NCKAP5: variants seen among roughly 807,000 people sequenced by gnomAD.
NCKAP5 encodes the protein nck-associated protein 5.
In NCKAP5, 92 loss-of-function variants were observed where a neutral mutation model predicts 167.0. That is an observed-to-expected ratio of 0.55 (90% CI 0.47 to 0.66). NCKAP5 has a LOEUF of 0.66. Ranked by LOEUF, NCKAP5 falls within the 30% of genes least tolerant of loss-of-function variation. NCKAP5 has a pLI of 0.00. For missense variants in NCKAP5, 2,378 were observed against 2,315.0 expected (o/e 1.03, Z -0.56); for synonymous variants, 891 against 877.4 (o/e 1.02, Z -0.27).
intron 11 of NCKAP5, among the ~76,000 whole-genome samples, chr2:132,833,225 T>C (rs1687644170): frequency 6.6e-6 from 1 of 152,170 alleles, no homozygotes; most frequent in Non-Finnish European, 1.5e-5. Context: ...ATTATTTCAT[T>C]GTTGTTGCTG....
chr2:132,860,659 T>A, intron 10 of NCKAP5, 48 bp from the exon 11 acceptor site: 1 of 1,539,198 alleles, frequency 6.5e-7, no homozygotes, highest in Non-Finnish European at 8.8e-7. Flanking sequence ...CTGAAAGATG[T>A]CTTTGCATAT....
intron 6 of NCKAP5, among the ~76,000 whole-genome samples, chr2:133,044,757 C>T (rs1028509352): frequency 3.9e-5 from 6 of 152,134 alleles, no homozygotes; most frequent in African/African-American, 1.4e-4. Context: ...TACACATGCG[C>T]TTAAGGAGAC....
At chr2:132,682,418 T>C (rs1284717729) in intron 19 of NCKAP5, among the ~76,000 whole-genome samples, 1 of 152,198 alleles carries the variant, frequency 6.6e-6, no homozygotes, top group Non-Finnish European at 1.5e-5. Flanking sequence ...CTTTGTTTAT[T>C]CTTTAGGTAT....
At chr2:133,090,930 T>C (rs925639198) in intron 6 of NCKAP5, among the ~76,000 whole-genome samples, 3 of 152,142 alleles carry the variant, frequency 2.0e-5, no homozygotes, top group Non-Finnish European at 2.9e-5. Context: ...CACATTCAAT[T>C]GTAATCCGCA....
chr2:133,434,518 T>A (rs1012820573), intron 3 of NCKAP5, among the ~76,000 whole-genome samples: 1 of 152,208 alleles, frequency 6.6e-6, no homozygotes, highest in Non-Finnish European at 1.5e-5. Flanking sequence ...AAACTCTATA[T>A]TCCTCAGTTT....
intron 10 of NCKAP5, among the ~76,000 whole-genome samples, chr2:132,865,082 T>C (rs1475394195): frequency 1.3e-5 from 2 of 152,190 alleles, no homozygotes; most frequent in Non-Finnish European, 2.9e-5. Context: ...CTTGGTGGCT[T>C]TCACTGATAC....
chr2:132,745,177 T>A (rs1247712532), intron 16 of NCKAP5, among the ~76,000 whole-genome samples: 1 of 151,806 alleles, frequency 6.6e-6, no homozygotes, highest in Non-Finnish European at 1.5e-5. Context: ...GAGATCAATA[T>A]AACTCATGAA....
chr2:132,784,738 A>G lies in NCKAP5; in HGVS notation c.2073T>C (p.Val691=). Residue 691 remains valine (V), a synonymous_variant, in exon 14 of 20, where the codon GTT becomes GTC. Coordinates refer to ENST00000409261, the MANE Select transcript of NCKAP5 (RefSeq NM_207363.3). The stretch of plus-strand genomic sequence containing the variant: ...AATTGATGGAAATCTCATTTCTGGT[A>G]ACAGTGACAACCCCAGTCTGGTGAG... The part of the protein sequence containing the change: ...FSSHQTGVVT[V]TRNEISINST... The G allele has an allele frequency of 6.2e-7, 1 of 1,613,952 alleles. No homozygotes were observed. The highest frequency in any genetic ancestry group is 1.1e-5 in the South Asian group (1 of 91,080).
At chr2:133,464,214 A>C (rs1171680928) in intron 3 of NCKAP5, among the ~76,000 whole-genome samples, 3 of 152,204 alleles carry the variant, frequency 2.0e-5, no homozygotes, top group African/African-American at 7.2e-5. Context: ...ACAGTATTCT[A>C]AGATAATCTG....
intron 3 of NCKAP5, among the ~76,000 whole-genome samples, chr2:133,412,300 C>T (rs549606557): frequency 1.5e-3 from 234 of 152,308 alleles, no homozygotes; most frequent in Middle Eastern, 3.4e-3. Context: ...CTTACCAGAA[C>T]CTGACCGTGC....
chr2:133,470,882 C>T (rs568826541), intron 3 of NCKAP5, among the ~76,000 whole-genome samples: 59 of 152,356 alleles, frequency 3.9e-4, no homozygotes, highest in Admixed American at 1.6e-3. Flanking sequence ...GCGCATGGTG[C>T]GCGCACCCAC....
At chr2:133,272,514 C>A (rs2089557959) in intron 4 of NCKAP5, among the ~76,000 whole-genome samples, 2 of 152,102 alleles carry the variant, frequency 1.3e-5, no homozygotes, top group South Asian at 4.2e-4. Flanking sequence ...TCCACGGAAT[C>A]TTGAACAATC....
intron 5 of NCKAP5, among the ~76,000 whole-genome samples, chr2:133,207,262 T>C (rs1298293335): frequency 6.6e-6 from 1 of 152,162 alleles, no homozygotes; most frequent in African/African-American, 2.4e-5. Context: ...CTTTGTACTC[T>C]TTCTCTTTAT....
At chr2:133,220,378 T>C (rs2086609556) in intron 4 of NCKAP5, among the ~76,000 whole-genome samples, 1 of 152,170 alleles carries the variant, frequency 6.6e-6, no homozygotes, top group Admixed American at 6.5e-5. Context: ...TACTTACTTC[T>C]CTTACAGTTA....
chr2:133,403,812 C>T (rs573887784), intron 3 of NCKAP5, among the ~76,000 whole-genome samples: 1 of 152,264 alleles, frequency 6.6e-6, no homozygotes, highest in Non-Finnish European at 1.5e-5. Flanking sequence ...TTAAGTCTAT[C>T]CTTATGCCAT....
At chr2:133,430,890 G>T (rs1282186242) in intron 3 of NCKAP5, among the ~76,000 whole-genome samples, 6 of 151,680 alleles carry the variant, frequency 4.0e-5, no homozygotes, top group African/African-American at 1.5e-4. Flanking sequence ...GGAGGAGTGA[G>T]GGAAGCCTAT....
chr2:132,722,073 C>A (rs181230038), intron 19 of NCKAP5, among the ~76,000 whole-genome samples: 1 of 152,192 alleles, frequency 6.6e-6, no homozygotes. Context: ...CAACTTCAAG[C>A]AGTAAATTTA....
the NCKAP5 span, among the ~76,000 whole-genome samples, chr2:133,628,448 A>T: frequency 1.3e-5 from 2 of 152,308 alleles, no homozygotes; most frequent in African/African-American, 4.8e-5. Flanking sequence ...GAAGTGAAGG[A>T]CCTCTTCGAG....
At chr2:132,946,860 C>A (rs6430379) in intron 8 of NCKAP5, among the ~76,000 whole-genome samples, 13,970 of 152,114 alleles carry the variant, frequency 0.092, 1,951 homozygotes, top group African/African-American at 0.3. Context: ...ATGGCGCCAC[C>A]GCACTCCAGC....
Sources: gnomAD v4.1 joint callset for allele counts (sites outside exome capture counted in the v4.1 genomes callset) on GRCh38, gnomAD v4.1.1 for gene constraint, MANE v1.5 for transcripts, NCBI Gene and HGNC (gene_info 2026-07-23, HGNC 2026-07-21) for gene names.